The following ARMH4 variants were observed in gnomAD, a reference collection of about 807,000 sequenced individuals.
The protein encoded by ARMH4 is armadillo-like helical domain-containing protein 4.
A neutral mutation model predicts 61.9 loss-of-function variants in ARMH4; 49 were observed. That is an observed-to-expected ratio of 0.79 (90% CI 0.63 to 1.00). The LOEUF (loss-of-function observed/expected upper bound fraction) is 1.00, where lower values mean the gene tolerates loss of function less well. ARMH4 is among the 50% of genes least tolerant of loss of function. The pLI, the probability that ARMH4 is intolerant of heterozygous loss-of-function variation, is 0.00. For synonymous variants in ARMH4, 368 were observed against 341.5 expected (o/e 1.08, Z -0.85); for missense variants, 934 against 930.0 (o/e 1.00, Z -0.06).
chr14:58,113,806 A>C (rs1886428493), intron 4 of ARMH4, among the ~76,000 whole-genome samples: 1 of 151,886 alleles, frequency 6.6e-6, no homozygotes, highest in Non-Finnish European at 1.5e-5. Flanking sequence ...TTTTTCCCAA[A>C]AAATTATATT....
chr14:58,002,477 T>C lies in ARMH4; in HGVS notation c.*2259A>G, dbSNP rs1350031314. ...TCTGAGAAATGAAAATATGGGTCTG[T>C]TATTTGGGAATTTATTACACTACAG... On this transcript the variant is annotated 3_prime_UTR_variant, in exon 8 of 8. Coordinates refer to ENST00000267485, the MANE Select transcript of ARMH4 (RefSeq NM_001001872.4). The C allele has an allele frequency of 6.6e-6, 1 of 152,178 alleles. No homozygotes were observed. Among genetic ancestry groups the C allele is most frequent in the African/African-American group, 2.4e-5 (1 of 41,452 alleles). 9.4% of individuals were successfully genotyped at this position (152,178 alleles called of 1,614,324 possible). A position where few individuals can be genotyped will look rare whatever the true frequency, so the allele number is the denominator to read the frequency against.
intron 5 of ARMH4, among the ~76,000 whole-genome samples, chr14:58,056,089 C>CAAAA (rs1220374258): frequency 1.3e-5 from 2 of 152,176 alleles, no homozygotes; most frequent in East Asian, 3.9e-4. Context: ...GAGACGGAAA[C>CAAAA]TTTTATCCAG....
rs145790019 is a variant in ARMH4 at position 58,105,172 on chromosome 14, G to A, written c.1832-8191C>T. On this transcript the variant is annotated intron_variant, in intron 4 of 7. Coordinates refer to ENST00000267485, the MANE Select transcript of ARMH4 (RefSeq NM_001001872.4). ...CTATGCCAAAAATAACAGGATCCCT[G>A]GCCCAAGAACTAAAATTAAAGAACT... is the stretch of plus-strand genomic sequence containing the variant. Among the ~76,000 whole-genome samples the A allele has an allele frequency of 3.9e-4, 60 of 152,192 alleles. 1 individual carries two copies. Among genetic ancestry groups the A allele is most frequent in the Admixed American group, 1.6e-3 (24 of 15,278 alleles).
At chr14:58,012,075 T>C (rs1243972369) in intron 6 of ARMH4, 44 bp downstream of exon 6, 3 of 1,343,656 alleles carry the variant, frequency 2.2e-6, no homozygotes, top group Admixed American at 2.0e-5. Context: ...AATAAAGCTA[T>C]ATGCCCCTAA....
chr14:58,011,786 A>C (rs1484487014), intron 6 of ARMH4, among the ~76,000 whole-genome samples: 2 of 148,636 alleles, frequency 1.3e-5, no homozygotes, highest in African/African-American at 2.5e-5. Context: ...AAAAAAACAG[A>C]TGGAATGAGA....
At chr14:58,126,062 C>T (rs748042941) in intron 4 of ARMH4, among the ~76,000 whole-genome samples, 1 of 152,198 alleles carries the variant, frequency 6.6e-6, no homozygotes, top group Admixed American at 6.5e-5. Flanking sequence ...CCCAGGCATT[C>T]GAGCTGGCAA....
chr14:58,143,684 G>A (rs566580482), intron 1 of ARMH4, among the ~76,000 whole-genome samples: 37 of 151,048 alleles, frequency 2.4e-4, no homozygotes, highest in Admixed American at 1.2e-3. Flanking sequence ...GGTTGGTCTC[G>A]AACTTCTGAC....
chr14:58,031,318 A>G (rs1883221980), intron 5 of ARMH4, among the ~76,000 whole-genome samples: 1 of 152,244 alleles, frequency 6.6e-6, no homozygotes, highest in Admixed American at 6.5e-5. Flanking sequence ...TGAATTAGCC[A>G]TCAACCAAAA....
chr14:58,096,677 A>G, intron 5 of ARMH4, 47 bp downstream of exon 5: 3 of 1,576,042 alleles, frequency 1.9e-6, no homozygotes, highest in Non-Finnish European at 2.6e-6. Context: ...TGAGAAATAT[A>G]AAAGGAGGGG....
intron 5 of ARMH4, among the ~76,000 whole-genome samples, chr14:58,092,637 T>C (rs558065322): frequency 3.9e-5 from 6 of 152,232 alleles, no homozygotes; most frequent in Admixed American, 3.3e-4. Flanking sequence ...TTTTCCAGCT[T>C]CTAGAGGCTG....
At chr14:58,023,583 G>A (rs1882920804) in intron 5 of ARMH4, among the ~76,000 whole-genome samples, 1 of 152,174 alleles carries the variant, frequency 6.6e-6, no homozygotes, top group African/African-American at 2.4e-5. Context: ...CCAAACTCCT[G>A]TTAATGATAG....
Position 58,098,384 on chromosome 14 carries a change from G to A in ARMH4, c.1832-1403C>T, listed in dbSNP as rs956666683. Among the ~76,000 whole-genome samples, 13 of 152,280 alleles carry A rather than the reference G, an allele frequency of 8.5e-5. No individual in the cohort carries two copies. The South Asian group carries it at 2.1e-3, about 24-fold the overall frequency. ...AGACACTAGGGATAAAAGCAATAAC[G>A]TCTCTGCCTTCGTGGAGCCCATGTG... On this transcript the variant is annotated intron_variant, in intron 4 of 7. Coordinates refer to ENST00000267485, the MANE Select transcript of ARMH4 (RefSeq NM_001001872.4).
intron 6 of ARMH4, among the ~76,000 whole-genome samples, chr14:58,009,152 T>G (rs1237242736): frequency 6.6e-6 from 1 of 152,192 alleles, no homozygotes; most frequent in Non-Finnish European, 1.5e-5. Flanking sequence ...AAATGACTTC[T>G]TGCCTGCTGG....
Position 58,131,712 on chromosome 14 carries a change from T to C in ARMH4, c.1631A>G (p.Asp544Gly). The change falls in exon 4 of 8, where the codon GAC (aspartate) becomes GGC (glycine). Residue 544 changes from aspartate (D) to glycine (G), a missense_variant. Coordinates refer to ENST00000267485, the MANE Select transcript of ARMH4 (RefSeq NM_001001872.4). ...EVTPTVEEQMDTVTGPNEEFT... is the reference protein window; with the variant it reads ...EVTPTVEEQMGTVTGPNEEFT... ...CTCCTCATTTGGCCCTGTGACTGTG[T>C]CCATTTGTTCTGCCAAACACAACAG... 1.2e-6 allele frequency: 2 copies of C among 1,612,672 alleles called. No individual in the cohort carries two copies. The highest frequency in any genetic ancestry group is 1.7e-6 in the Non-Finnish European group (2 of 1,179,886).
chr14:58,038,380 T>C (rs1317881284), intron 5 of ARMH4, among the ~76,000 whole-genome samples: 7 of 105,746 alleles, frequency 6.6e-5, no homozygotes, highest in Non-Finnish European at 1.3e-4. Flanking sequence ...GGAAGGGGAA[T>C]ATCACACTCT....
At chr14:58,144,761 G>A (rs777429919) in intron 1 of ARMH4, among the ~76,000 whole-genome samples, 141 of 152,090 alleles carry the variant, frequency 9.3e-4, no homozygotes, top group Non-Finnish European at 1.8e-3. Flanking sequence ...CCAGCTACTC[G>A]GGAGGCTGAG....
Position 58,138,196 on chromosome 14 carries a change from C to T in ARMH4, c.1163G>A (p.Arg388Lys). The change falls in exon 2 of 8, where the codon AGA (arginine) becomes AAA (lysine). Residue 388 changes from arginine (R) to lysine (K), a missense_variant. Transcript: ENST00000267485. ...ACTTTGATCAGTGAAAGCAGGTGAT[C>T]TCTCATTCCCATGCGCTATTAGCAG... The part of the protein sequence containing the change: ...TALLIAHGNE[R>K]SPAFTDQSSF... 6.2e-7 allele frequency: 1 copy of T among 1,614,178 alleles called. No homozygotes were observed. Among genetic ancestry groups the T allele is most frequent in the Non-Finnish European group, 8.5e-7 (1 of 1,180,026 alleles).
At chr14:58,018,881 A>G (rs1215406884) in intron 5 of ARMH4, among the ~76,000 whole-genome samples, 1 of 128,918 alleles carries the variant, frequency 7.8e-6, no homozygotes, top group African/African-American at 2.8e-5. Flanking sequence ...GCCAGTCAAC[A>G]CATGAATAAA....
chr14:58,116,579 A>C (rs2141295800), intron 4 of ARMH4: 1 of 167,778 alleles, frequency 6.0e-6, no homozygotes, highest in Admixed American at 6.0e-5. Context: ...AGGAGGCTGA[A>C]GTGGGAGGAT....
Sources: allele counts gnomAD v4.1 joint callset (sites outside exome capture counted in the v4.1 genomes callset), GRCh38; gene constraint gnomAD v4.1.1; transcripts MANE v1.5; gene names NCBI Gene and HGNC (gene_info 2026-07-23, HGNC 2026-07-21).